Variants in ERBB4 observed in about 807,000 individuals in gnomAD.
The protein encoded by ERBB4 is receptor tyrosine-protein kinase erbB-4.
In ERBB4, 42 loss-of-function variants were observed where a neutral mutation model predicts 158.0. That is an observed-to-expected ratio of 0.27 (90% confidence interval 0.21 to 0.34). The LOEUF is 0.34. Among genes scored for constraint, ERBB4 ranks in the 10% least tolerant of loss-of-function variants. The probability of loss-of-function intolerance (pLI) is 1.00; values close to 1 mark genes in which losing one functional copy is unlikely to be tolerated. For missense variants in ERBB4, 1,333 were observed against 1,624.1 expected, an observed-to-expected ratio of 0.82 and a Z score of 3.08; for synonymous variants, 583 against 558.7, an observed-to-expected ratio of 1.04 and a Z score of -0.61.
intron 5 of ERBB4, among the ~76,000 whole-genome samples, chr2:211,735,247 C>A (rs2074567505): frequency 1.3e-5 from 2 of 151,614 alleles, no homozygotes; most frequent in Admixed American, 6.6e-5. Context: ...ACTAAAATAA[C>A]CTGTGCATTT....
At chr2:212,208,151 G>T (rs953497644) in intron 1 of ERBB4, among the ~76,000 whole-genome samples, 10 of 152,088 alleles carry the variant, frequency 6.6e-5, no homozygotes, top group Admixed American at 2.6e-4. Context: ...GCTTGAAAGA[G>T]AAAAATGAAC....
chr2:212,452,461 A>C (rs1395910318), intron 1 of ERBB4, among the ~76,000 whole-genome samples: 1 of 152,192 alleles, frequency 6.6e-6, no homozygotes, highest in African/African-American at 2.4e-5. Context: ...GAAACCAAAA[A>C]CAAATTTAGC....
chr2:211,885,550 G>C (rs1425385879), intron 3 of ERBB4, among the ~76,000 whole-genome samples: 1 of 151,846 alleles, frequency 6.6e-6, no homozygotes, highest in Non-Finnish European at 1.5e-5. Flanking sequence ...CAATCTCCTG[G>C]GTTCAAGCAA....
chr2:211,603,328 T>C (rs2068861563), intron 19 of ERBB4, among the ~76,000 whole-genome samples: 1 of 152,046 alleles, frequency 6.6e-6, no homozygotes, highest in Non-Finnish European at 1.5e-5. Context: ...TATCTGACAT[T>C]GGGCAAAAGA....
chr2:212,286,600 T>TTTTTTTTTTTTTG (rs2085977937), intron 1 of ERBB4, among the ~76,000 whole-genome samples: 4 of 79,206 alleles, frequency 5.1e-5, no homozygotes, highest in African/African-American at 2.3e-4. Flanking sequence ...CTGACTTTTT[T>TTTTTTTTTTTTTG]TTTTTTTTTT....
At chr2:211,811,483 T>C (rs528540191) in intron 3 of ERBB4, among the ~76,000 whole-genome samples, 1 of 152,232 alleles carries the variant, frequency 6.6e-6, no homozygotes, top group South Asian at 2.1e-4. Context: ...AATCTGACAA[T>C]TATGTGTCTC....
At chr2:212,032,150 T>C (rs1325319550) in intron 2 of ERBB4, among the ~76,000 whole-genome samples, 1 of 152,116 alleles carries the variant, frequency 6.6e-6, no homozygotes, top group East Asian at 1.9e-4. Context: ...GCAGGCCTTC[T>C]CAGCTAAAAC....
rs148707786 is a variant in ERBB4, at chr2:211,913,453, T to C, written c.421+33977A>G. The stretch of plus-strand genomic sequence containing the variant: ...TCGTCTCGACTAAAACTACAAAAAT[T>C]AGCCAGGTGTGATGGTGCGTGCCTG... On this transcript the variant is annotated intron_variant, in intron 3 of 27. Transcript: ENST00000342788. Among the ~76,000 whole-genome samples, 228 of 151,992 alleles carry C rather than the reference T, an allele frequency of 1.5e-3. 1 individual carries two copies. Among genetic ancestry groups the C allele is most frequent in the African/African-American group, 5.2e-3 (216 of 41,470 alleles).
intron 1 of ERBB4, among the ~76,000 whole-genome samples, chr2:212,252,845 T>C (rs958375923): frequency 6.6e-6 from 1 of 152,048 alleles, no homozygotes; most frequent in Admixed American, 6.6e-5. Flanking sequence ...TGCAGACATA[T>C]GTATTGTAAA....
chr2:211,442,269 G>A (rs189723868), intron 20 of ERBB4, among the ~76,000 whole-genome samples: 11 of 151,968 alleles, frequency 7.2e-5, no homozygotes, highest in East Asian at 1.9e-4. Flanking sequence ...CAAATTTAAC[G>A]TTTCTTAGAT....
intron 20 of ERBB4, among the ~76,000 whole-genome samples, chr2:211,539,927 A>G (rs956293106): frequency 1.3e-5 from 2 of 151,890 alleles, no homozygotes; most frequent in African/African-American, 4.8e-5. Context: ...ACATTAGGTT[A>G]TGTAATAATG....
At chr2:212,064,333 C>A (rs2077875305) in intron 2 of ERBB4, among the ~76,000 whole-genome samples, 1 of 152,032 alleles carries the variant, frequency 6.6e-6, no homozygotes, top group Admixed American at 6.6e-5. Flanking sequence ...GGATGCCATG[C>A]TAAATAATTT....
chr2:212,349,287 T>TCACACACACACACACA (rs3040350), intron 1 of ERBB4, among the ~76,000 whole-genome samples: 7 of 146,376 alleles, frequency 4.8e-5, no homozygotes, highest in East Asian at 2.0e-4. Context: ...AACTTCTTAA[T>TCACACACACACACACA]CACACACACA....
At chr2:211,845,135 G>T (rs545926362) in intron 3 of ERBB4, among the ~76,000 whole-genome samples, 127 of 152,068 alleles carry the variant, frequency 8.4e-4, no homozygotes, top group African/African-American at 2.8e-3. Flanking sequence ...CAGGTGGAAG[G>T]TTTCCCCAAA....
chr2:212,094,692 G>T (rs1215298704), intron 2 of ERBB4, among the ~76,000 whole-genome samples: 2 of 152,136 alleles, frequency 1.3e-5, no homozygotes, highest in African/African-American at 4.8e-5. Context: ...GGCCTCATCA[G>T]AAGCTAAGCA....
chr2:212,187,976 A>G (rs2082065190), intron 1 of ERBB4, among the ~76,000 whole-genome samples: 1 of 152,142 alleles, frequency 6.6e-6, no homozygotes, highest in African/African-American at 2.4e-5. Flanking sequence ...CTTCAATCCT[A>G]TAATATTATT....
chr2:212,529,929 A>G (rs1265506259), intron 1 of ERBB4, among the ~76,000 whole-genome samples: 1 of 152,228 alleles, frequency 6.6e-6, no homozygotes, highest in Non-Finnish European at 1.5e-5. Context: ...TAAGGAAGGC[A>G]TAGTCATGAG....
At chr2:211,866,166 G>A (rs557568265) in intron 3 of ERBB4, among the ~76,000 whole-genome samples, 2 of 152,198 alleles carry the variant, frequency 1.3e-5, no homozygotes, top group South Asian at 4.1e-4. Context: ...CAGGAGAATC[G>A]CCTGTACCCG....
chr2:211,424,493 A>G (rs965590295), intron 22 of ERBB4, among the ~76,000 whole-genome samples, 192 bp from the exon 23 acceptor site: 11 of 151,894 alleles, frequency 7.2e-5, no homozygotes, highest in African/African-American at 2.7e-4. Context: ...GGGGAATTCA[A>G]TTTTCTTATT....
Sources: gnomAD v4.1 joint callset for allele counts (sites outside exome capture counted in the v4.1 genomes callset) on GRCh38, gnomAD v4.1.1 for gene constraint, MANE v1.5 for transcripts, NCBI Gene and HGNC (gene_info 2026-07-23, HGNC 2026-07-21) for gene names.